CFAP90: variants seen among roughly 807,000 people sequenced by gnomAD.
CFAP90 encodes cilia- and flagella-associated protein 90.
the CFAP90 span, among the ~76,000 whole-genome samples, chr5:7,834,136 A>G: frequency 6.6e-6 from 1 of 152,172 alleles, no homozygotes; most frequent in African/African-American, 2.4e-5. Flanking sequence ...AGACATTGTT[A>G]GCCTAGGAGA....
At chr5:7,831,203 G>A in the CFAP90 span, 1 of 152,296 alleles carries the variant, frequency 6.6e-6, no homozygotes, top group African/African-American at 2.4e-5. Context: ...TCTCTGAGCA[G>A]TAATAGTGAG....
At chr5:7,847,839 T>C in the CFAP90 span, among the ~76,000 whole-genome samples, 1 of 152,298 alleles carries the variant, frequency 6.6e-6, no homozygotes, top group South Asian at 2.1e-4. Context: ...TCACCGCCTT[T>C]CCCTAGGCAG....
At chr5:7,835,478 A>T in the CFAP90 span, 4 of 1,575,194 alleles carry the variant, frequency 2.5e-6, no homozygotes, top group Admixed American at 5.3e-5. Flanking sequence ...AAATACAATC[A>T]TAGAGGGAAA....
chr5:7,832,864 C>T, the CFAP90 span, among the ~76,000 whole-genome samples: 9 of 152,194 alleles, frequency 5.9e-5, no homozygotes, highest in Non-Finnish European at 1.3e-4. Flanking sequence ...AAACTACCTG[C>T]CACAGTTTTC....
chr5:7,851,016 C>T, the CFAP90 span: 1 of 1,258,784 alleles, frequency 7.9e-7, no homozygotes. Context: ...CCTCGTCGTC[C>T]TCCATGCCGC....
the CFAP90 span, among the ~76,000 whole-genome samples, chr5:7,845,972 C>T: frequency 3.4e-5 from 4 of 118,356 alleles, no homozygotes; most frequent in Non-Finnish European, 5.6e-5. Flanking sequence ...TGACAGCAAA[C>T]GAGGGTCAGG....
chr5:7,834,254 G>A, the CFAP90 span, among the ~76,000 whole-genome samples: 107 of 151,712 alleles, frequency 7.1e-4, no homozygotes, highest in African/African-American at 2.4e-3. Flanking sequence ...TGTGTAGGCC[G>A]AGGCTAAGGT....
At chr5:7,850,386 C>T in the CFAP90 span, among the ~76,000 whole-genome samples, 1 of 151,836 alleles carries the variant, frequency 6.6e-6, no homozygotes, top group African/African-American at 2.4e-5. Context: ...GTGCGCTCCT[C>T]CTCTAGGGCC....
chr5:7,851,009 C>T, the CFAP90 span: 1 of 1,266,418 alleles, frequency 7.9e-7, no homozygotes, highest in South Asian at 3.2e-5. Flanking sequence ...GTCTCCTCCT[C>T]GTCGTCCTCC....
the CFAP90 span, among the ~76,000 whole-genome samples, chr5:7,842,036 C>T: frequency 2.0e-5 from 3 of 151,978 alleles, no homozygotes; most frequent in Non-Finnish European, 4.4e-5. Flanking sequence ...GCCTCCAAAA[C>T]TAAGAGAGAA....
At chr5:7,850,268 C>T in the CFAP90 span, among the ~76,000 whole-genome samples, 2 of 152,098 alleles carry the variant, frequency 1.3e-5, no homozygotes, top group African/African-American at 4.8e-5. Flanking sequence ...GCCGCGCCCC[C>T]TTCATCTCCG....
At chr5:7,832,882 G>A in the CFAP90 span, among the ~76,000 whole-genome samples, 1 of 152,312 alleles carries the variant, frequency 6.6e-6, no homozygotes, top group East Asian at 1.9e-4. Context: ...TTCTCCTGAG[G>A]AAGACAATAA....
At chr5:7,843,934 T>C in the CFAP90 span, among the ~76,000 whole-genome samples, 1 of 152,082 alleles carries the variant, frequency 6.6e-6, no homozygotes, top group East Asian at 1.9e-4. Flanking sequence ...TCGACAAACA[T>C]GCACTCAATG....
chr5:7,837,668 T>C, the CFAP90 span, among the ~76,000 whole-genome samples: 1 of 152,224 alleles, frequency 6.6e-6, no homozygotes, highest in African/African-American at 2.4e-5. Context: ...ATGTGAAACA[T>C]GCTGTGCTCC....
chr5:7,832,707 C>T, the CFAP90 span, among the ~76,000 whole-genome samples: 3 of 152,038 alleles, frequency 2.0e-5, no homozygotes, highest in Non-Finnish European at 4.4e-5. Context: ...AGGCTGGTCT[C>T]GAACTCCTGA....
chr5:7,840,192 G>T, the CFAP90 span, among the ~76,000 whole-genome samples: 13 of 152,086 alleles, frequency 8.5e-5, no homozygotes, highest in Admixed American at 7.9e-4. Flanking sequence ...TTTGTGTTTT[G>T]AATATTGTTA....
the CFAP90 span, among the ~76,000 whole-genome samples, chr5:7,844,798 G>C: frequency 6.6e-6 from 1 of 152,142 alleles, no homozygotes; most frequent in Non-Finnish European, 1.5e-5. Flanking sequence ...GAGTGGCTGA[G>C]TGTGTGTGGT....
At chr5:7,834,389 G>T in the CFAP90 span, among the ~76,000 whole-genome samples, 1 of 152,210 alleles carries the variant, frequency 6.6e-6, no homozygotes, top group African/African-American at 2.4e-5. Flanking sequence ...TAAGCTAAGC[G>T]TTACTACAAA....
chr5:7,847,416 C>T, the CFAP90 span, among the ~76,000 whole-genome samples: 1 of 149,338 alleles, frequency 6.7e-6, no homozygotes, highest in Non-Finnish European at 1.5e-5. Context: ...CCATACCTAC[C>T]TTCCAGAAGG....
Sources: gnomAD v4.1 joint callset for allele counts (sites outside exome capture counted in the v4.1 genomes callset) on GRCh38, gnomAD v4.1.1 for gene constraint, MANE v1.5 for transcripts, NCBI Gene and HGNC (gene_info 2026-07-23, HGNC 2026-07-21) for gene names.